The following WDFY2 variants were observed in gnomAD, a reference collection of about 807,000 sequenced individuals.
WDFY2 encodes WD repeat and FYVE domain-containing protein 2.
WDFY2 carries 36 observed loss-of-function variants against 56.4 expected under a neutral mutation model. The observed-to-expected ratio is 0.64, with a 90% CI of 0.49 to 0.84. WDFY2 has a LOEUF of 0.84. WDFY2 is among the 40% of genes least tolerant of loss of function. The probability of loss-of-function intolerance (pLI) is 0.00; values close to 1 mark genes in which losing one functional copy is unlikely to be tolerated. For synonymous variants in WDFY2, 176 were observed against 183.7 expected (o/e 0.96, Z 0.34); for missense variants, 444 against 512.2 (o/e 0.87, Z 1.29).
intron 1 of WDFY2, among the ~76,000 whole-genome samples, chr13:51,638,872 T>C (rs897716295): frequency 6.6e-6 from 1 of 152,250 alleles, no homozygotes; most frequent in Non-Finnish European, 1.5e-5. Flanking sequence ...TAGCTCAAGC[T>C]CAAGATTCTT....
chr13:51,717,792 G>C (rs1350883597), intron 4 of WDFY2, among the ~76,000 whole-genome samples: 1 of 152,082 alleles, frequency 6.6e-6, no homozygotes, highest in African/African-American at 2.4e-5. Context: ...GTGTATTGTA[G>C]AGACATCACA....
intron 3 of WDFY2, among the ~76,000 whole-genome samples, chr13:51,679,270 G>C (rs909843983): frequency 2.6e-5 from 4 of 152,146 alleles, no homozygotes; most frequent in African/African-American, 9.7e-5. Flanking sequence ...CACCAACCCT[G>C]AGTAATTGCT....
At chr13:51,617,432 TG>T (rs558541594) in intron 1 of WDFY2, among the ~76,000 whole-genome samples, 31 of 152,158 alleles carry the variant, frequency 2.0e-4, no homozygotes, top group African/African-American at 6.5e-4. Flanking sequence ...CTCTGCCTCC[TG>T]GGTTCAAGCG....
intron 1 of WDFY2, among the ~76,000 whole-genome samples, chr13:51,653,601 T>G (rs910647162): frequency 6.6e-6 from 1 of 152,220 alleles, no homozygotes; most frequent in South Asian, 2.1e-4. Context: ...CCTTTCTGTT[T>G]GTTAGCTTTT....
At chr13:51,621,486 CAA>C (rs1163808061) in intron 1 of WDFY2, among the ~76,000 whole-genome samples, 1 of 152,078 alleles carries the variant, frequency 6.6e-6, no homozygotes, top group South Asian at 2.1e-4. Context: ...GCTTGGGCGA[CAA>C]GAGTGAAACT....
chr13:51,589,491 A>G (rs1283611134), intron 1 of WDFY2: 1 of 152,148 alleles, frequency 6.6e-6, no homozygotes, highest in Non-Finnish European at 1.5e-5. Context: ...TTCATTTACC[A>G]TTAATTCTTT....
At chr13:51,750,140 A>G (rs1269117206) in intron 7 of WDFY2, among the ~76,000 whole-genome samples, 5 of 152,228 alleles carry the variant, frequency 3.3e-5, no homozygotes, top group Admixed American at 3.3e-4. Context: ...TGAATTGGCT[A>G]GCAGTTTCTA....
intron 3 of WDFY2, among the ~76,000 whole-genome samples, chr13:51,682,162 T>C (rs968570359): frequency 2.0e-5 from 3 of 152,092 alleles, no homozygotes; most frequent in African/African-American, 7.2e-5. Flanking sequence ...GTAGAGTGAG[T>C]GGTGGATTGA....
intron 5 of WDFY2, among the ~76,000 whole-genome samples, chr13:51,721,192 C>G (rs1952481803): frequency 6.6e-6 from 1 of 152,100 alleles, no homozygotes; most frequent in Non-Finnish European, 1.5e-5. Flanking sequence ...AGAAAGGGTC[C>G]TATGTCTTAT....
intron 1 of WDFY2, among the ~76,000 whole-genome samples, chr13:51,650,071 G>T (rs906785511): frequency 2.0e-5 from 3 of 151,990 alleles, no homozygotes; most frequent in African/African-American, 7.2e-5. Flanking sequence ...TCTTCCATTT[G>T]TTTGTGTCCT....
intron 4 of WDFY2, among the ~76,000 whole-genome samples, chr13:51,714,436 C>T (rs543781785): frequency 4.6e-5 from 7 of 152,164 alleles, no homozygotes; most frequent in East Asian, 1.9e-4. Flanking sequence ...GAATTACAGG[C>T]GCTTGCCACC....
chr13:51,675,111 T>G lies in WDFY2; in HGVS notation c.206-59T>G. ...CCCACACTTTTAGCTAGTTAGGCAC[T>G]CCTGAGTCGATGAGAATCATGGTTT... On this transcript the variant is annotated intron_variant, in intron 2 of 11. Transcript: ENST00000298125. 7 of 1,538,666 alleles carry G rather than the reference T, an allele frequency of 4.5e-6. No homozygotes were observed. In the East Asian group the frequency reaches 1.6e-4, roughly 35 times the overall value.
chr13:51,584,826 T>C lies in WDFY2; in HGVS notation c.137+2T>C. On this transcript the variant is annotated splice_donor_variant, in intron 1 of 11. Coordinates refer to ENST00000298125, the MANE Select transcript of WDFY2 (RefSeq NM_052950.4). LOFTEE classifies it high-confidence loss of function. ...CGTCATCAGCGTCTCCGAGGACAGGTATGGACTACTGCCATTCGGCCGCGA... is the reference window on the plus strand; with the variant it reads ...CGTCATCAGCGTCTCCGAGGACAGGCATGGACTACTGCCATTCGGCCGCGA... 1 of 1,613,584 alleles carries C rather than the reference T, an allele frequency of 6.2e-7. No homozygotes were observed. The highest frequency in any genetic ancestry group is 8.5e-7 in the Non-Finnish European group (1 of 1,179,704).
Position 51,756,340 on chromosome 13 carries a change from C to T in WDFY2, c.942C>T (p.Cys314=), listed in dbSNP as rs1184515691. 1.2e-6 allele frequency: 2 copies of T among 1,613,506 alleles called. No individual in the cohort carries two copies. Among genetic ancestry groups the T allele is most frequent in the Non-Finnish European group, 1.7e-6 (2 of 1,179,656 alleles). The change falls in exon 10 of 12, where the codon TGC becomes TGT. Residue 314 remains cysteine (C), a synonymous_variant. Transcript: ENST00000298125. ...SKKIGLRQHH[C]RKCGKAVCGK... is the part of the protein sequence containing the mutation. ...TTATCTCCCTCCTCCAGCACCACTG[C>T]CGCAAGTGTGGGAAGGCCGTCTGTG...
At chr13:51,626,630 A>G (rs1954839866) in intron 1 of WDFY2, among the ~76,000 whole-genome samples, 1 of 152,092 alleles carries the variant, frequency 6.6e-6, no homozygotes, top group Admixed American at 6.5e-5. Context: ...AAAATGAAAC[A>G]CATCTAATAT....
At chr13:51,603,342 C>A (rs1954323000) in intron 1 of WDFY2, among the ~76,000 whole-genome samples, 1 of 152,118 alleles carries the variant, frequency 6.6e-6, no homozygotes, top group African/African-American at 2.4e-5. Context: ...CCTTGTGGGG[C>A]ATTGTGAGGT....
chr13:51,723,838 C>T (rs1051714483), intron 5 of WDFY2, among the ~76,000 whole-genome samples: 1 of 152,086 alleles, frequency 6.6e-6, no homozygotes, highest in African/African-American at 2.4e-5. Flanking sequence ...AACACTTTTT[C>T]GTTAAGGTTG....
chr13:51,741,286 T>C (rs1952967346), intron 7 of WDFY2, among the ~76,000 whole-genome samples: 1 of 152,228 alleles, frequency 6.6e-6, no homozygotes, highest in Non-Finnish European at 1.5e-5. Context: ...CAGAAGGCCT[T>C]TGCCTGGTGC....
intron 7 of WDFY2, among the ~76,000 whole-genome samples, chr13:51,748,629 T>C (rs1953158597): frequency 6.6e-6 from 1 of 152,146 alleles, no homozygotes; most frequent in Non-Finnish European, 1.5e-5. Context: ...TCTCTCTCTT[T>C]TTTTTTTCTT....
Sources: gnomAD v4.1 joint callset for allele counts (sites outside exome capture counted in the v4.1 genomes callset) on GRCh38, gnomAD v4.1.1 for gene constraint, MANE v1.5 for transcripts, NCBI Gene and HGNC (gene_info 2026-07-23, HGNC 2026-07-21) for gene names.